EYA2: variants seen among roughly 807,000 people sequenced by gnomAD.
EYA2 encodes the protein EYA transcriptional coactivator and phosphatase 2.
A neutral mutation model predicts 69.2 loss-of-function variants in EYA2; 31 were observed. That is an observed-to-expected ratio of 0.45 (90% CI 0.34 to 0.60). The LOEUF is 0.60. EYA2 is among the 20% of genes least tolerant of loss of function. The probability of loss-of-function intolerance (pLI) is 0.02; values close to 1 mark genes in which losing one functional copy is unlikely to be tolerated. For missense variants in EYA2, 622 were observed against 701.2 expected, an observed-to-expected ratio of 0.89 and a Z score of 1.28; for synonymous variants, 257 against 279.4, an observed-to-expected ratio of 0.92 and a Z score of 0.80.
At chr20:47,071,370 A>G (rs1276026111) in intron 5 of EYA2, among the ~76,000 whole-genome samples, 1 of 152,186 alleles carries the variant, frequency 6.6e-6, no homozygotes, top group Admixed American at 6.5e-5. Context: ...TAGAGTGGCC[A>G]TAATCAAGAA....
intron 9 of EYA2, among the ~76,000 whole-genome samples, chr20:47,129,449 C>T (rs900509463): frequency 6.6e-6 from 1 of 152,112 alleles, no homozygotes; most frequent in East Asian, 1.9e-4. Context: ...GGATTTCAGG[C>T]TGAGGAACAG....
intron 1 of EYA2, among the ~76,000 whole-genome samples, chr20:46,987,931 T>TCTCC (rs1981350986): frequency 9.3e-5 from 3 of 32,246 alleles, no homozygotes; most frequent in African/African-American, 4.4e-4. Context: ...TCTCTCTCTC[T>TCTCC]CTCTCTCTCT....
At chr20:47,164,905 G>A (rs1041035110) in intron 10 of EYA2, among the ~76,000 whole-genome samples, 1 of 152,156 alleles carries the variant, frequency 6.6e-6, no homozygotes, top group Non-Finnish European at 1.5e-5. Context: ...TATGTCTCCA[G>A]GCCAGTTTGC....
At chr20:47,167,792 C>A (rs1431673089) in intron 10 of EYA2, among the ~76,000 whole-genome samples, 1 of 152,132 alleles carries the variant, frequency 6.6e-6, no homozygotes, top group Non-Finnish European at 1.5e-5. Context: ...AGATCTCTAA[C>A]TGAACTAAAG....
chr20:47,129,662 A>G (rs1218051591), intron 9 of EYA2, among the ~76,000 whole-genome samples: 1 of 152,182 alleles, frequency 6.6e-6, no homozygotes, highest in Non-Finnish European at 1.5e-5. Context: ...TGGACAACAG[A>G]CATGGGGGAC....
At chr20:47,161,697 C>T (rs1162846730) in intron 10 of EYA2, 1 of 197,822 alleles carries the variant, frequency 5.1e-6, no homozygotes, top group Non-Finnish European at 1.0e-5. Flanking sequence ...GCCTCCAGCC[C>T]CCCATCCCCC....
At chr20:46,976,510 C>T (rs991825040) in intron 1 of EYA2, among the ~76,000 whole-genome samples, 4 of 152,234 alleles carry the variant, frequency 2.6e-5, no homozygotes, top group South Asian at 2.1e-4. Flanking sequence ...CTCAGCCTCC[C>T]GAGTAGCTGG....
intron 9 of EYA2, among the ~76,000 whole-genome samples, chr20:47,108,891 C>T (rs1023819147): frequency 2.0e-5 from 3 of 151,942 alleles, no homozygotes; most frequent in African/African-American, 4.8e-5. Flanking sequence ...TGGCTCTCCC[C>T]GGGGAGAGGA....
At chr20:46,958,642 G>A (rs990672562) in intron 1 of EYA2, among the ~76,000 whole-genome samples, 3 of 152,010 alleles carry the variant, frequency 2.0e-5, no homozygotes, top group Admixed American at 6.6e-5. Context: ...AGATTATTTC[G>A]TTACCCATAA....
chr20:47,161,446 T>C, intron 10 of EYA2: 1 of 434,206 alleles, frequency 2.3e-6, no homozygotes. Context: ...AAAAAGTCAA[T>C]GATCTCAAAC....
chr20:46,915,913 A>G (rs1361488607), intron 1 of EYA2, among the ~76,000 whole-genome samples: 1 of 151,998 alleles, frequency 6.6e-6, no homozygotes, highest in Non-Finnish European at 1.5e-5. Context: ...TCCCAGTTCT[A>G]TAGGGGTGCA....
chr20:47,087,832 C>G (rs1035342365), intron 7 of EYA2, among the ~76,000 whole-genome samples: 3 of 152,260 alleles, frequency 2.0e-5, no homozygotes, highest in Admixed American at 6.5e-5. Flanking sequence ...TTCAAGTCAC[C>G]TCCTAACTGC....
At position 46,912,742 on chromosome 20, in the gene EYA2, G is replaced by A. The variant is rs113769308; in HGVS notation, c.-11+17755G>A. On this transcript the variant is annotated intron_variant, in intron 1 of 15. Transcript: ENST00000327619. ...GGAGTCTCGCTCTGTCGCCCAGGCC[G>A]GACTGCGGACTGCAGTGGCGCAATC... is the stretch of plus-strand genomic sequence containing the variant. Among the ~76,000 whole-genome samples, 715 of 148,846 alleles carry A rather than the reference G, an allele frequency of 4.8e-3. 11 individuals carry two copies. The highest frequency in any genetic ancestry group is 0.017 in the African/African-American group (668 of 40,456).
chr20:47,003,561 C>A (rs991767139), intron 3 of EYA2, among the ~76,000 whole-genome samples: 1 of 152,196 alleles, frequency 6.6e-6, no homozygotes, highest in Middle Eastern at 3.2e-3. Context: ...TGCATGCCTG[C>A]ATGTGTGTGT....
intron 9 of EYA2, among the ~76,000 whole-genome samples, chr20:47,133,769 G>C (rs79507265): frequency 0.022 from 3,373 of 152,290 alleles, 117 homozygotes; most frequent in East Asian, 0.09. Flanking sequence ...CAATGTGTGC[G>C]AACACATGCC....
At chr20:47,032,925 T>A (rs1984499209) in intron 5 of EYA2, among the ~76,000 whole-genome samples, 2 of 152,260 alleles carry the variant, frequency 1.3e-5, no homozygotes, top group Admixed American at 6.5e-5. Context: ...TTTTGGTTGC[T>A]GCAGCCATTT....
intron 4 of EYA2, among the ~76,000 whole-genome samples, chr20:47,013,053 A>G (rs986693860): frequency 3.9e-5 from 6 of 152,254 alleles, no homozygotes; most frequent in African/African-American, 1.4e-4. Flanking sequence ...CCCCTTCAGC[A>G]AACAAAAGAA....
intron 1 of EYA2, among the ~76,000 whole-genome samples, chr20:46,941,448 G>A (rs767534536): frequency 3.9e-5 from 6 of 152,158 alleles, no homozygotes; most frequent in Non-Finnish European, 7.3e-5. Flanking sequence ...TTCAAAATCC[G>A]CAAACTAAGG....
intron 9 of EYA2, among the ~76,000 whole-genome samples, chr20:47,124,036 T>A (rs1010348384): frequency 6.8e-6 from 1 of 147,950 alleles, no homozygotes; most frequent in Non-Finnish European, 1.5e-5. Context: ...CCAAGGAGAG[T>A]GACATGTAGA....
Sources: allele counts gnomAD v4.1 joint callset (sites outside exome capture counted in the v4.1 genomes callset), GRCh38; gene constraint gnomAD v4.1.1; transcripts MANE v1.5; gene names NCBI Gene and HGNC (gene_info 2026-07-23, HGNC 2026-07-21).